Variants in CDCA7L observed in about 807,000 individuals in gnomAD.
CDCA7L encodes the protein cell division cycle-associated 7-like protein.
In CDCA7L, 44 loss-of-function variants were observed where a neutral mutation model predicts 57.4. That is an observed-to-expected ratio of 0.77 (90% CI 0.60 to 0.98). The LOEUF (loss-of-function observed/expected upper bound fraction) is 0.98. Among genes scored for constraint, CDCA7L ranks in the 50% least tolerant of loss-of-function variants. The pLI, the probability that CDCA7L is intolerant of heterozygous loss-of-function variation, is 0.00. For synonymous variants in CDCA7L, 236 were observed against 202.8 expected, an observed-to-expected ratio of 1.16 and a Z score of -1.39; for missense variants, 644 against 580.6, an observed-to-expected ratio of 1.11 and a Z score of -1.12.
chr7:21,942,692 C>T (rs1272616552), intron 1 of CDCA7L, among the ~76,000 whole-genome samples: 2 of 152,154 alleles, frequency 1.3e-5, no homozygotes, highest in African/African-American at 4.8e-5. Flanking sequence ...TGTACCTGAT[C>T]AGAATCATTA....
chr7:21,927,177 T>C (rs2128065833), intron 1 of CDCA7L, among the ~76,000 whole-genome samples: 1 of 152,240 alleles, frequency 6.6e-6, no homozygotes, highest in Non-Finnish European at 1.5e-5. Context: ...GACAGAAACT[T>C]TCCCAGAGGA....
At chr7:21,936,241 T>C (rs1421503295) in intron 1 of CDCA7L, among the ~76,000 whole-genome samples, 2 of 152,160 alleles carry the variant, frequency 1.3e-5, no homozygotes, top group African/African-American at 4.8e-5. Flanking sequence ...TGGGTAATTC[T>C]ACCAAACATT....
intron 2 of CDCA7L, among the ~76,000 whole-genome samples, chr7:21,913,950 C>A (rs758946379): frequency 2.6e-5 from 4 of 152,222 alleles, no homozygotes; most frequent in Non-Finnish European, 5.9e-5. Flanking sequence ...TGCTCCACTG[C>A]ATTCTGAGTT....
chr7:21,944,565 G>C (rs1786453498), intron 1 of CDCA7L: 1 of 150,496 alleles, frequency 6.6e-6, no homozygotes, highest in Non-Finnish European at 1.5e-5. Context: ...GCTTTTAATA[G>C]TTTATCTCAC....
intron 6 of CDCA7L, 96 bp downstream of exon 6, chr7:21,906,193 G>T: frequency 4.1e-6 from 5 of 1,214,058 alleles, no homozygotes; most frequent in Non-Finnish European, 5.8e-6. Flanking sequence ...AGACCCACGG[G>T]GTCAGAACCA....
chr7:21,934,860 T>C (rs1026409396), intron 1 of CDCA7L, among the ~76,000 whole-genome samples: 3 of 152,166 alleles, frequency 2.0e-5, no homozygotes, highest in Admixed American at 6.5e-5. Context: ...CACTAGAAGA[T>C]AGAACAATTA....
At chr7:21,938,690 A>T (rs62445935) in intron 1 of CDCA7L, among the ~76,000 whole-genome samples, 1 of 152,026 alleles carries the variant, frequency 6.6e-6, no homozygotes, top group East Asian at 1.9e-4. Context: ...GTATGTACAC[A>T]TAAGAGTATT....
intron 1 of CDCA7L, among the ~76,000 whole-genome samples, chr7:21,945,154 G>A (rs953439304): frequency 6.6e-6 from 1 of 152,030 alleles, no homozygotes; most frequent in East Asian, 1.9e-4. Flanking sequence ...TTTTAAAGAC[G>A]AGTTAGGCCC....
intron 1 of CDCA7L, among the ~76,000 whole-genome samples, chr7:21,927,171 G>C (rs1785855942): frequency 6.6e-6 from 1 of 152,140 alleles, no homozygotes; most frequent in Admixed American, 6.5e-5. Context: ...TTAATTGACA[G>C]AAACTTTCCC....
intron 7 of CDCA7L, among the ~76,000 whole-genome samples, chr7:21,904,544 C>CAGCATTAGATTCTCATAGGAGCACAA (rs1340145046): frequency 1.3e-5 from 2 of 152,200 alleles, no homozygotes; most frequent in African/African-American, 4.8e-5. Context: ...AGATCAGCAG[C>CAGCATTAGATTCTCATAGGAGCACAA]AGCATTAGAT....
At chr7:21,942,533 A>G (rs1471805056) in intron 1 of CDCA7L, among the ~76,000 whole-genome samples, 2 of 152,210 alleles carry the variant, frequency 1.3e-5, no homozygotes, top group East Asian at 1.9e-4. Flanking sequence ...ATTCTAAAAC[A>G]TAACTTTGAG....
chr7:21,904,216 T>G lies in CDCA7L; in HGVS notation c.1091A>C (p.Lys364Thr), dbSNP rs1356964066. 2.5e-6 allele frequency: 4 copies of G among 1,613,338 alleles called. No homozygotes were observed. The highest frequency in any genetic ancestry group is 3.4e-6 in the Non-Finnish European group (4 of 1,179,650). Residue 364 changes from lysine (K) to threonine (T), a missense_variant, in exon 8 of 10, where the codon AAG becomes ACG. By Grantham distance (78) the Lys-to-Thr change is moderately conservative. Coordinates refer to ENST00000406877, the MANE Select transcript of CDCA7L (RefSeq NM_018719.5). ...HQCRQKTIDT[K>T]TVCRNQGCCG... ...GCAACCCTGGTTCCGACACACTGTCTTGGTGTCGATGGTCTTTTGTCGACA... is the reference window on the plus strand; with the variant it reads ...GCAACCCTGGTTCCGACACACTGTCGTGGTGTCGATGGTCTTTTGTCGACA...
chr7:21,927,613 C>T (rs773113202), intron 1 of CDCA7L, among the ~76,000 whole-genome samples: 6 of 152,118 alleles, frequency 3.9e-5, no homozygotes, highest in Non-Finnish European at 8.8e-5. Context: ...TTATTTGATA[C>T]GACAGTGGAT....
chr7:21,945,647 A>T, intron 1 of CDCA7L, 134 bp downstream of exon 1: 1 of 1,145,748 alleles, frequency 8.7e-7, no homozygotes, highest in Middle Eastern at 2.3e-4. Context: ...CCGGCACTCA[A>T]CCGGCTGGGC....
At position 21,900,951 on chromosome 7, in the gene CDCA7L, CATT is replaced by C; in HGVS notation, c.*1368_*1370del. On this transcript the variant is annotated 3_prime_UTR_variant, in exon 10 of 10. Transcript: ENST00000406877. Reference sequence around the variant, plus strand: ...TATTGCATCAAACAACTTACTTGATCATTATCATTAGTAGCAAGCTGCCACACA... The same window carrying C: ...TATTGCATCAAACAACTTACTTGATCATCATTAGTAGCAAGCTGCCACACA... The C allele has an allele frequency of 3.3e-6, 5 of 1,504,112 alleles. No individual in the cohort carries two copies. The highest frequency in any genetic ancestry group is 1.4e-5 in the South Asian group (1 of 69,874). 93.2% of individuals were successfully genotyped at this position (1,504,112 alleles called of 1,614,324 possible).
chr7:21,902,888 C>G (rs769552291), intron 9 of CDCA7L, 90 bp downstream of exon 9: 12 of 1,251,052 alleles, frequency 9.6e-6, no homozygotes, highest in Non-Finnish European at 1.2e-5. Context: ...GTAAGTCACA[C>G]GGGAAGGCAA....
chr7:21,939,772 T>C (rs1233882342), intron 1 of CDCA7L, among the ~76,000 whole-genome samples: 1 of 151,948 alleles, frequency 6.6e-6, no homozygotes, highest in Non-Finnish European at 1.5e-5. Context: ...CCCCTCACCC[T>C]CATCACTCTA....
At chr7:21,910,667 T>C (rs1370409629) in intron 3 of CDCA7L, among the ~76,000 whole-genome samples, 1 of 152,266 alleles carries the variant, frequency 6.6e-6, no homozygotes, top group African/African-American at 2.4e-5. Flanking sequence ...AGGCTGTGCC[T>C]TAAAGTTACC....
chr7:21,929,475 T>G (rs1157179203), intron 1 of CDCA7L, among the ~76,000 whole-genome samples: 1 of 151,920 alleles, frequency 6.6e-6, no homozygotes, highest in African/African-American at 2.4e-5. Flanking sequence ...TAAGTGTAAA[T>G]GGGCTAAATG....
Sources: gnomAD v4.1 joint callset for allele counts (sites outside exome capture counted in the v4.1 genomes callset) on GRCh38, gnomAD v4.1.1 for gene constraint, MANE v1.5 for transcripts, NCBI Gene and HGNC (gene_info 2026-07-23, HGNC 2026-07-21) for gene names.